RIMS1: variants seen among roughly 807,000 people sequenced by gnomAD.
RIMS1 encodes regulating synaptic membrane exocytosis 1, also known as regulating synaptic membrane exocytosis protein 1.
Under a neutral mutation model 214.1 loss-of-function variants are expected in RIMS1, and 83 were observed. The ratio of observed to expected loss-of-function variants is 0.39; its 90% confidence interval spans 0.32 to 0.47. The LOEUF (loss-of-function observed/expected upper bound fraction) is 0.47. Among genes scored for constraint, RIMS1 ranks in the 20% least tolerant of loss-of-function variants. RIMS1 has a pLI of 0.99. For missense variants in RIMS1, 2,050 were observed against 2,161.8 expected (o/e 0.95, Z 1.03); for synonymous variants, 793 against 786.8 (o/e 1.01, Z -0.13).
intron 4 of RIMS1, among the ~76,000 whole-genome samples, chr6:72,113,224 A>T (rs1222193959): frequency 6.6e-6 from 1 of 152,050 alleles, no homozygotes; most frequent in Non-Finnish European, 1.5e-5. Flanking sequence ...TTCTCTGGGG[A>T]AAATCTGTTT....
chr6:71,907,739 C>T (rs942360211), intron 1 of RIMS1, among the ~76,000 whole-genome samples: 5 of 152,094 alleles, frequency 3.3e-5, no homozygotes, highest in African/African-American at 1.2e-4. Flanking sequence ...CATAATACCG[C>T]TTATATGTCA....
In RIMS1 at chr6:72,392,791, C is replaced by T. The variant is rs200818374; in HGVS notation, c.4599C>T (p.Thr1533=). Residue 1533 remains threonine, a synonymous_variant, in exon 31 of 34, where the codon ACC becomes ACT. Transcript: ENST00000521978. ...LGPAQLVGRQ[T]LATPAMGDIQ... ...CAGCCCAGCTTGTTGGCCGCCAAACCCTTGCCACCCCTGCAATGGGTAAGA... is the reference window on the plus strand; with the variant it reads ...CAGCCCAGCTTGTTGGCCGCCAAACTCTTGCCACCCCTGCAATGGGTAAGA... 4.2e-5 allele frequency: 67 copies of T among 1,611,646 alleles called. No individual in the cohort carries two copies. The highest frequency in any genetic ancestry group is 5.1e-6 in the Non-Finnish European group (6 of 1,178,558).
chr6:72,247,535 CAAAAAA>C (rs10717559), intron 11 of RIMS1, among the ~76,000 whole-genome samples: 1 of 104,026 alleles, frequency 9.6e-6, no homozygotes, highest in Non-Finnish European at 1.9e-5. Context: ...AACTCTGTCT[CAAAAAA>C]AAAAAAAAAA....
At chr6:72,307,518 G>T in intron 27 of RIMS1, 148 bp downstream of exon 27, 1 of 499,788 alleles carries the variant, frequency 2.0e-6, no homozygotes, top group Non-Finnish European at 3.5e-6. Flanking sequence ...CAGCAGTTTG[G>T]GAGGCCAAGG....
At chr6:72,252,934 C>T (rs530901494) in intron 16 of RIMS1, 102 bp downstream of exon 16, 24 of 805,768 alleles carry the variant, frequency 3.0e-5, no homozygotes, top group Admixed American at 2.5e-4. Flanking sequence ...AGATTTATAG[C>T]ACAGAGAAAT....
Position 72,319,260 on chromosome 6 carries a change from C to T in RIMS1, c.4130+5588C>T, listed in dbSNP as rs2096012330. 3.3e-5 allele frequency among the ~76,000 whole-genome samples: 5 copies of T among 151,696 alleles called. No homozygotes were observed. In the South Asian group the frequency reaches 1.0e-3, roughly 32 times the overall value. ...ACATAGAAGGAGATGGTGAAGGGAG[C>T]CAAGAACTGGAAAACTTTCAGGAAA... On this transcript the variant is annotated intron_variant, in intron 28 of 33. Coordinates refer to ENST00000521978, the MANE Select transcript of RIMS1 (RefSeq NM_014989.7).
intron 4 of RIMS1, among the ~76,000 whole-genome samples, chr6:72,111,836 G>A (rs181524873): frequency 2.0e-5 from 3 of 152,088 alleles, no homozygotes; most frequent in Non-Finnish European, 4.4e-5. Flanking sequence ...TAGTGTTCAG[G>A]GGATTCAGAT....
At position 72,260,371 on chromosome 6, in the gene RIMS1, G is replaced by C. The variant is rs560860757; in HGVS notation, c.3054-334G>C. Among the ~76,000 whole-genome samples the C allele has an allele frequency of 1.6e-4, 24 of 151,884 alleles. 1 individual carries two copies. The South Asian group carries it at 5.0e-3, about 32-fold the overall frequency. On this transcript the variant is annotated intron_variant, in intron 18 of 33. Coordinates refer to ENST00000521978, the MANE Select transcript of RIMS1 (RefSeq NM_014989.7). ...CCATTAGTATCAGGCCAAATTTATA[G>C]TATTAAAAAAATACTCAGTTGTCTA...
At chr6:72,216,761 T>A (rs947416159) in intron 6 of RIMS1, 23 of 986,834 alleles carry the variant, frequency 2.3e-5, no homozygotes, top group Non-Finnish European at 2.6e-5. Context: ...TTTTCTTCTG[T>A]GTTAGCTTTA....
At chr6:72,218,485 C>T (rs2057190717) in intron 6 of RIMS1, among the ~76,000 whole-genome samples, 1 of 152,154 alleles carries the variant, frequency 6.6e-6, no homozygotes, top group African/African-American at 2.4e-5. Flanking sequence ...CTTCCACTGG[C>T]AAAAATATGA....
chr6:72,243,324 T>C (rs896403098), intron 10 of RIMS1, among the ~76,000 whole-genome samples: 4 of 151,656 alleles, frequency 2.6e-5, no homozygotes, highest in Admixed American at 6.6e-5. Context: ...TTATCATAAT[T>C]CTCAAAGAAT....
chr6:71,966,068 T>C (rs1307762107), intron 1 of RIMS1, among the ~76,000 whole-genome samples: 1 of 152,226 alleles, frequency 6.6e-6, no homozygotes, highest in African/African-American at 2.4e-5. Flanking sequence ...TTCCAAACTA[T>C]GATCCAATTC....
chr6:72,354,441 A>G (rs978061150), intron 29 of RIMS1, among the ~76,000 whole-genome samples: 3 of 152,218 alleles, frequency 2.0e-5, no homozygotes, highest in African/African-American at 7.2e-5. Context: ...TATATGAGAT[A>G]CCAATTTTTA....
At position 72,158,262 on chromosome 6, in the gene RIMS1, A is replaced by G. The variant is rs1055262567; in HGVS notation, c.472-21313A>G. Among the ~76,000 whole-genome samples the G allele has an allele frequency of 2.8e-5, 4 of 141,114 alleles. 1 individual carries two copies. The highest frequency in any genetic ancestry group is 6.4e-5 in the Non-Finnish European group (4 of 62,128). The allele number at this position is 141,114 out of a possible 152,430, so 92.6% of individuals were successfully genotyped here. A position where few individuals can be genotyped will look rare whatever the true frequency, so the allele number is the denominator to read the frequency against. ...TTTTAAAAACATGTTTTCCTGTTAC[A>G]GAATTCCATTTGACATTTATTTTCC... On this transcript the variant is annotated intron_variant, in intron 4 of 33. Coordinates refer to ENST00000521978, the MANE Select transcript of RIMS1 (RefSeq NM_014989.7).
chr6:72,154,241 C>G (rs2044144216), intron 4 of RIMS1, among the ~76,000 whole-genome samples: 1 of 100,338 alleles, frequency 1.0e-5, no homozygotes, highest in Non-Finnish European at 2.6e-5. Context: ...TTATCTTTTG[C>G]TTGAGGTTTT....
At chr6:71,888,696 G>C (rs2150315008) in intron 1 of RIMS1, among the ~76,000 whole-genome samples, 1 of 152,332 alleles carries the variant, frequency 6.6e-6, no homozygotes. Context: ...CAAAATAGTA[G>C]AAATCCAGTC....
intron 9 of RIMS1, among the ~76,000 whole-genome samples, chr6:72,242,069 G>A (rs1207912402): frequency 6.6e-6 from 1 of 151,828 alleles, no homozygotes; most frequent in East Asian, 1.9e-4. Flanking sequence ...AGGTAGTTTT[G>A]TATTGTACTG....
At chr6:72,177,712 G>T (rs1356701822) in intron 4 of RIMS1, among the ~76,000 whole-genome samples, 1 of 152,164 alleles carries the variant, frequency 6.6e-6, no homozygotes, top group Admixed American at 6.5e-5. Flanking sequence ...GTCAGCTAAA[G>T]AGACAAAAAA....
At chr6:72,262,149 A>C (rs2154165907) in intron 19 of RIMS1, 1 of 981,088 alleles carries the variant, frequency 1.0e-6, no homozygotes, top group African/African-American at 1.7e-5. Context: ...GGATACTCAC[A>C]CCAGTGGTCT....
Sources: gnomAD v4.1 joint callset for allele counts (sites outside exome capture counted in the v4.1 genomes callset) on GRCh38, gnomAD v4.1.1 for gene constraint, MANE v1.5 for transcripts, NCBI Gene and HGNC (gene_info 2026-07-23, HGNC 2026-07-21) for gene names.